The following LSAMP variants were observed in gnomAD, a reference collection of about 807,000 sequenced individuals.
The protein encoded by LSAMP is limbic system-associated membrane protein.
LSAMP carries 7 observed loss-of-function variants against 38.6 expected under a neutral mutation model. The ratio of observed to expected loss-of-function variants is 0.18; its 90% confidence interval spans 0.10 to 0.34. The LOEUF is 0.34. LSAMP is among the 10% of genes least tolerant of loss of function. The pLI, the probability that LSAMP is intolerant of heterozygous loss-of-function variation, is 1.00. For missense variants in LSAMP, 313 were observed against 420.0 expected, an observed-to-expected ratio of 0.75 and a Z score of 2.23; for synonymous variants, 154 against 166.8, an observed-to-expected ratio of 0.92 and a Z score of 0.59.
At chr3:116,382,757 C>T (rs1339264538) in intron 1 of LSAMP, among the ~76,000 whole-genome samples, 1 of 152,024 alleles carries the variant, frequency 6.6e-6, no homozygotes, top group Non-Finnish European at 1.5e-5. Context: ...CTTTTAAAGT[C>T]CCCGAGTTTG....
chr3:116,125,535 TC>T (rs1251134313), intron 1 of LSAMP, among the ~76,000 whole-genome samples: 2 of 152,088 alleles, frequency 1.3e-5, no homozygotes, highest in Admixed American at 1.3e-4. Flanking sequence ...TTTCCAACAC[TC>T]TCTCAACTCT....
chr3:115,953,404 T>TAC (rs71616336), intron 3 of LSAMP, among the ~76,000 whole-genome samples: 3,587 of 143,656 alleles, frequency 0.025, 75 homozygotes, highest in African/African-American at 0.054. Context: ...GTAGTGTGCG[T>TAC]ACACACACAC....
intron 1 of LSAMP, among the ~76,000 whole-genome samples, chr3:116,227,708 G>T: frequency 6.6e-6 from 1 of 151,264 alleles, no homozygotes; most frequent in Non-Finnish European, 1.5e-5. Context: ...ATGACTTTTT[G>T]GGTGACTGCT....
intron 1 of LSAMP, among the ~76,000 whole-genome samples, chr3:116,243,950 T>C (rs1051990325): frequency 6.6e-6 from 1 of 152,186 alleles, no homozygotes; most frequent in African/African-American, 2.4e-5. Flanking sequence ...CAGTAGAAAG[T>C]TCCCTGTGCT....
At chr3:116,291,811 G>A (rs1289384422) in intron 1 of LSAMP, among the ~76,000 whole-genome samples, 2 of 152,100 alleles carry the variant, frequency 1.3e-5, no homozygotes, top group Admixed American at 1.3e-4. Flanking sequence ...CCATTTTCAG[G>A]CCACACTTTA....
At chr3:116,026,151 G>A (rs1384867160) in intron 2 of LSAMP, among the ~76,000 whole-genome samples, 1 of 152,066 alleles carries the variant, frequency 6.6e-6, no homozygotes, top group Non-Finnish European at 1.5e-5. Flanking sequence ...AAATCTAGGT[G>A]CACCTAATAA....
At chr3:115,812,642 T>A (rs1933875197) in intron 6 of LSAMP, among the ~76,000 whole-genome samples, 1 of 152,154 alleles carries the variant, frequency 6.6e-6, no homozygotes, top group African/African-American at 2.4e-5. Flanking sequence ...TATTTGTGTA[T>A]TGATGAGGTT....
At chr3:116,336,302 A>G (rs2047919364) in intron 1 of LSAMP, among the ~76,000 whole-genome samples, 1 of 152,096 alleles carries the variant, frequency 6.6e-6, no homozygotes, top group African/African-American at 2.4e-5. Context: ...TTGTGCATTG[A>G]AAGACACTAT....
intron 1 of LSAMP, among the ~76,000 whole-genome samples, chr3:116,347,590 T>C (rs866388531): frequency 1.3e-5 from 2 of 152,124 alleles, no homozygotes; most frequent in Non-Finnish European, 2.9e-5. Context: ...TTTAGATATA[T>C]TTGTTTTCAT....
At chr3:116,305,427 C>A (rs143175839) in intron 1 of LSAMP, among the ~76,000 whole-genome samples, 1 of 152,172 alleles carries the variant, frequency 6.6e-6, no homozygotes, top group African/African-American at 2.4e-5. Context: ...GCAAGATGCC[C>A]TTGAACCAAA....
chr3:116,284,048 ATTTC>A (rs1332752176), intron 1 of LSAMP, among the ~76,000 whole-genome samples: 2 of 152,154 alleles, frequency 1.3e-5, no homozygotes, highest in African/African-American at 4.8e-5. Context: ...GTCTCAACTT[ATTTC>A]TTTGATATAA....
chr3:116,114,850 T>A, intron 1 of LSAMP, among the ~76,000 whole-genome samples: 1 of 152,314 alleles, frequency 6.6e-6, no homozygotes, highest in South Asian at 2.1e-4. Context: ...TTAGTTCAGC[T>A]ATTATGTCAG....
intron 1 of LSAMP, among the ~76,000 whole-genome samples, chr3:116,232,441 T>C (rs1248783320): frequency 6.6e-6 from 1 of 152,174 alleles, no homozygotes; most frequent in East Asian, 1.9e-4. Context: ...CAAGAGAAAT[T>C]TGTAAAAGTC....
At chr3:116,355,917 C>G (rs1188864360) in intron 1 of LSAMP, among the ~76,000 whole-genome samples, 1 of 152,038 alleles carries the variant, frequency 6.6e-6, no homozygotes, top group Non-Finnish European at 1.5e-5. Context: ...ATCCAAAACA[C>G]AGGCAATAGC....
intron 2 of LSAMP, among the ~76,000 whole-genome samples, chr3:116,077,407 G>T (rs1349822618): frequency 2.6e-5 from 4 of 151,596 alleles, no homozygotes; most frequent in African/African-American, 9.7e-5. Flanking sequence ...TATGTATTTT[G>T]TTCCTCATGG....
At chr3:116,334,730 T>A (rs1408896309) in intron 1 of LSAMP, among the ~76,000 whole-genome samples, 1 of 151,980 alleles carries the variant, frequency 6.6e-6, no homozygotes, top group Admixed American at 6.6e-5. Flanking sequence ...ACTCAACAAC[T>A]AGAAACTATA....
chr3:116,180,778 A>G (rs1340748010), intron 1 of LSAMP, among the ~76,000 whole-genome samples: 1 of 152,118 alleles, frequency 6.6e-6, no homozygotes, highest in Non-Finnish European at 1.5e-5. Flanking sequence ...GGCTATTACT[A>G]CAAAATTTTT....
At chr3:116,413,345 A>G (rs1377953991) in intron 1 of LSAMP, among the ~76,000 whole-genome samples, 2 of 152,110 alleles carry the variant, frequency 1.3e-5, no homozygotes, top group Non-Finnish European at 2.9e-5. Context: ...TAAATGCCTA[A>G]TAAAATAACA....
intron 3 of LSAMP, among the ~76,000 whole-genome samples, chr3:115,936,419 T>C (rs1247695584): frequency 6.6e-6 from 1 of 152,162 alleles, no homozygotes; most frequent in Non-Finnish European, 1.5e-5. Context: ...TTTGGTGTGC[T>C]TTTTCTTTAA....
Sources: allele counts gnomAD v4.1 joint callset (sites outside exome capture counted in the v4.1 genomes callset), GRCh38; gene constraint gnomAD v4.1.1; transcripts MANE v1.5; gene names NCBI Gene and HGNC (gene_info 2026-07-23, HGNC 2026-07-21).